CCNC: variants seen among roughly 807,000 people sequenced by gnomAD.
CCNC encodes cyclin-C.
CCNC carries 19 observed loss-of-function variants against 50.0 expected under a neutral mutation model. The ratio of observed to expected loss-of-function variants is 0.38; its 90% CI spans 0.27 to 0.56. CCNC has a LOEUF of 0.56. Among genes scored for constraint, CCNC ranks in the 20% least tolerant of loss-of-function variants. The pLI is 0.72. For synonymous variants in CCNC, 93 were observed against 103.7 expected, an observed-to-expected ratio of 0.90 and a Z score of 0.63; for missense variants, 200 against 327.1, an observed-to-expected ratio of 0.61 and a Z score of 3.00.
intron 6 of CCNC, 140 bp downstream of exon 6, chr6:99,551,700 C>T: frequency 4.3e-6 from 2 of 460,100 alleles, no homozygotes; most frequent in Non-Finnish European, 7.0e-6. Flanking sequence ...AGCTATTTAG[C>T]TTTAATTTAG....
intron 5 of CCNC, among the ~76,000 whole-genome samples, chr6:99,553,549 A>G (rs1258695067): frequency 6.6e-6 from 1 of 152,170 alleles, no homozygotes; most frequent in African/African-American, 2.4e-5. Flanking sequence ...TACACTTATT[A>G]TCATCTATTC....
rs191842012 is a variant in CCNC, at chr6:99,551,910, A to G, written c.347-15T>C. 9.3e-6 allele frequency: 13 copies of G among 1,390,672 alleles called. No individual in the cohort carries two copies. The East Asian group carries it at 3.4e-4, about 36-fold the overall frequency. The allele number at this position is 1,390,672 out of a possible 1,614,324, so 86.1% of individuals were successfully genotyped here. Reference sequence around the variant, plus strand: ...TCTAGTTTTTACTGCAGAAAATAAAAAAAAAATTTAAACTGAGAAAATGGG... The same window carrying G: ...TCTAGTTTTTACTGCAGAAAATAAAGAAAAAATTTAAACTGAGAAAATGGG... On this transcript the variant is annotated splice_polypyrimidine_tract_variant and intron_variant, in intron 5 of 11. Transcript: ENST00000520429.
At chr6:99,549,248 G>A in intron 9 of CCNC, 1 of 517,636 alleles carries the variant, frequency 1.9e-6, no homozygotes, top group South Asian at 2.2e-5. Context: ...AAACAAATAT[G>A]TTCTATTCAG....
intron 8 of CCNC, 35 bp downstream of exon 8, chr6:99,550,183 C>T (rs752822847): frequency 1.4e-6 from 2 of 1,388,218 alleles, no homozygotes; most frequent in African/African-American, 1.4e-5. Context: ...TATCTAATAA[C>T]ATGTTACACT....
intron 10 of CCNC, 151 bp from the exon 11 acceptor site, chr6:99,545,381 G>A (rs1802030080): frequency 1.8e-6 from 1 of 562,324 alleles, no homozygotes; most frequent in Non-Finnish European, 3.2e-6. Flanking sequence ...TTTCACCACA[G>A]TGCTGTTTAG....
In CCNC at chr6:99,545,200, G is replaced by A; in HGVS notation, c.709C>T (p.Leu237=). The change falls in exon 11 of 12, where the codon CTA becomes TTA. Residue 237 remains leucine (L), a synonymous_variant. Transcript: ENST00000520429. ...TCGAAATTCTTCCACTGCTCATATA[G>A]TTTTAAAATAACCCTGATTATTTCC... The part of the protein sequence containing the change: ...ILEIIRVILK[L]YEQWKNFDER... 1 of 1,599,458 alleles carries A rather than the reference G, an allele frequency of 6.3e-7. No homozygotes were observed. The highest frequency in any genetic ancestry group is 8.6e-7 in the Non-Finnish European group (1 of 1,167,112).
rs749881611 is a variant in CCNC at position 99,561,356 on chromosome 6, TTG to T, written c.294+9_294+10del. The T allele has an allele frequency of 6.3e-7, 1 of 1,578,474 alleles. No homozygotes were observed. Among genetic ancestry groups the T allele is most frequent in the East Asian group, 2.2e-5 (1 of 44,546 alleles). On this transcript the variant is annotated intron_variant, in intron 4 of 11. Coordinates refer to ENST00000520429, the MANE Select transcript of CCNC (RefSeq NM_005190.4). Reference sequence around the variant, plus strand: ...CTACACTTTGATGAAGAACAGAAAATTGTTTTATACCTCTACTTTGGATGCCA... The same window carrying T: ...CTACACTTTGATGAAGAACAGAAAATTTTTATACCTCTACTTTGGATGCCA...
chr6:99,554,894 C>A (rs944350298), intron 5 of CCNC, among the ~76,000 whole-genome samples: 2 of 152,292 alleles, frequency 1.3e-5, no homozygotes, highest in Non-Finnish European at 2.9e-5. Context: ...CCAAGAAATA[C>A]ACACACTAAC....
intron 4 of CCNC, among the ~76,000 whole-genome samples, chr6:99,559,402 T>TA (rs140378325): frequency 0.059 from 8,944 of 152,082 alleles, 390 homozygotes; most frequent in Non-Finnish European, 0.089. Context: ...CATTTTAAAA[T>TA]AAAAAAATCA....
chr6:99,562,618 A>C, intron 2 of CCNC: 1 of 428,950 alleles, frequency 2.3e-6, no homozygotes, highest in Non-Finnish European at 4.1e-6. Context: ...AGATTAGGTA[A>C]CACTTTCAAA....
At position 99,568,561 on chromosome 6, in the gene CCNC, C is replaced by G; in HGVS notation, c.-34G>C. 1 of 1,607,504 alleles carries G rather than the reference C, an allele frequency of 6.2e-7. No individual in the cohort carries two copies. Among genetic ancestry groups the G allele is most frequent in the Non-Finnish European group, 8.5e-7 (1 of 1,177,160 alleles). On this transcript the variant is annotated 5_prime_UTR_variant, in exon 1 of 12. Transcript: ENST00000520429. ...GCTTGCCCTGATAAAAAAGCACCAGCCGGCGGAGCGGCCCGCGGAGCGACC... is the reference window on the plus strand; with the variant it reads ...GCTTGCCCTGATAAAAAAGCACCAGGCGGCGGAGCGGCCCGCGGAGCGACC...
chr6:99,557,739 G>T (rs1802587372), intron 5 of CCNC: 1 of 146,528 alleles, frequency 6.8e-6, no homozygotes. Flanking sequence ...CCAGGAGGCG[G>T]AAGTTGAAGT....
At position 99,543,532 on chromosome 6, in the gene CCNC, A is replaced by C; in HGVS notation, c.*23T>G. On this transcript the variant is annotated 3_prime_UTR_variant, in exon 12 of 12. Transcript: ENST00000520429. ...CCAATGGTTTATTTCCAAGTGGTCCACTATGGAATTCTTCGGAATGTTTTA... is the reference window on the plus strand; with the variant it reads ...CCAATGGTTTATTTCCAAGTGGTCCCCTATGGAATTCTTCGGAATGTTTTA... The C allele has an allele frequency of 6.2e-7, 1 of 1,611,554 alleles. No homozygotes were observed. Among genetic ancestry groups the C allele is most frequent in the Non-Finnish European group, 8.5e-7 (1 of 1,177,968 alleles).
At chr6:99,566,574 CTG>C (rs929191671) in intron 1 of CCNC, among the ~76,000 whole-genome samples, 8 of 152,184 alleles carry the variant, frequency 5.3e-5, no homozygotes, top group Admixed American at 5.2e-4. Context: ...TGGTCACAGA[CTG>C]TGTTTTGTTC....
chr6:99,562,644 G>A (rs930681262), intron 2 of CCNC, 198 bp downstream of exon 2: 34 of 487,594 alleles, frequency 7.0e-5, no homozygotes, highest in Non-Finnish European at 1.2e-4. Flanking sequence ...TTGAGTGCCT[G>A]TGATATGTAA....
At chr6:99,566,638 T>G (rs1220213578) in intron 1 of CCNC, among the ~76,000 whole-genome samples, 1 of 152,176 alleles carries the variant, frequency 6.6e-6, no homozygotes, top group Non-Finnish European at 1.5e-5. Flanking sequence ...ACAGAGTCAT[T>G]TTATGTTTTT....
At chr6:99,561,926 A>C (rs1034188174) in intron 2 of CCNC, 7 of 255,968 alleles carry the variant, frequency 2.7e-5, no homozygotes, top group Non-Finnish European at 5.2e-5. Flanking sequence ...CACAGGAAAA[A>C]ATTATTCATC....
rs1392502269 is a variant in CCNC at position 99,542,433 on chromosome 6, G to C, written c.*1122C>G. On this transcript the variant is annotated 3_prime_UTR_variant, in exon 12 of 12. Transcript: ENST00000520429. ...TATTCTTGCAGTTTTATACTAGGAAGTCAACATTTAATAAGCCATCATCCA... is the reference window on the plus strand; with the variant it reads ...TATTCTTGCAGTTTTATACTAGGAACTCAACATTTAATAAGCCATCATCCA... 1.3e-5 allele frequency: 2 copies of C among 152,350 alleles called. No individual in the cohort carries two copies. The highest frequency in any genetic ancestry group is 4.8e-5 in the African/African-American group (2 of 41,446). 9.4% of individuals were successfully genotyped at this position (152,350 alleles called of 1,614,324 possible). A position where few individuals can be genotyped will look rare whatever the true frequency, so the allele number is the denominator to read the frequency against.
In CCNC at chr6:99,568,517, T is replaced by C. The variant is rs1769257784; in HGVS notation, c.11A>G (p.Asn4Ser). 6.2e-7 allele frequency: 1 copy of C among 1,612,784 alleles called. No individual in the cohort carries two copies. Among genetic ancestry groups the C allele is most frequent in the Non-Finnish European group, 8.5e-7 (1 of 1,179,374 alleles). The part of the protein sequence containing the change: MAG[N>S]FWQSSHYLQW... ...TTACTAGTGGGAGCTCTGCCAAAAGTTCCCTGCCATGGAACACAGCTTGCC... is the reference window on the plus strand; with the variant it reads ...TTACTAGTGGGAGCTCTGCCAAAAGCTCCCTGCCATGGAACACAGCTTGCC... Residue 4 changes from asparagine (N) to serine (S), a missense_variant, in exon 1 of 12, where the codon AAC becomes AGC. Coordinates refer to ENST00000520429, the MANE Select transcript of CCNC (RefSeq NM_005190.4).
Sources: gnomAD v4.1 joint callset for allele counts (sites outside exome capture counted in the v4.1 genomes callset) on GRCh38, gnomAD v4.1.1 for gene constraint, MANE v1.5 for transcripts, NCBI Gene and HGNC (gene_info 2026-07-23, HGNC 2026-07-21) for gene names.